KCNT1: variants seen among roughly 807,000 people sequenced by gnomAD.
KCNT1 encodes the protein potassium channel subfamily T member 1.
A neutral mutation model predicts 147.8 loss-of-function variants in KCNT1; 78 were observed. That is an observed-to-expected ratio of 0.53 (90% confidence interval 0.44 to 0.64). The LOEUF is 0.64. Among genes scored for constraint, KCNT1 ranks in the 30% least tolerant of loss-of-function variants. The pLI, the probability that KCNT1 is intolerant of heterozygous loss-of-function variation, is 0.00. For synonymous variants in KCNT1, 867 were observed against 748.8 expected (o/e 1.16, Z -2.58); for missense variants, 1,419 against 1,750.3 (o/e 0.81, Z 3.38).
chr9:135,713,107 G>A (rs1462846030), intron 1 of KCNT1, among the ~76,000 whole-genome samples: 1 of 152,230 alleles, frequency 6.6e-6, no homozygotes, highest in Admixed American at 6.5e-5. Flanking sequence ...GGGACGGGAG[G>A]AGGCAGCCAC....
chr9:135,795,270 T>C lies in KCNT1; in HGVS notation c.*3109T>C, dbSNP rs1834738019. On this transcript the variant is annotated 3_prime_UTR_variant, in exon 31 of 31. Coordinates refer to ENST00000371757, the MANE Select transcript of KCNT1 (RefSeq NM_020822.3). Reference sequence around the variant, plus strand: ...CGTGGGCAACATGATGAACCCTGACTGTATCAAAAAGTACAAAAAAAAAAA... The same window carrying C: ...CGTGGGCAACATGATGAACCCTGACCGTATCAAAAAGTACAAAAAAAAAAA... 1 of 144,474 alleles carries C rather than the reference T, an allele frequency of 6.9e-6. No homozygotes were observed. Among genetic ancestry groups the C allele is most frequent in the Non-Finnish European group, 1.5e-5 (1 of 66,952 alleles). 8.9% of individuals were successfully genotyped at this position (144,474 alleles called of 1,614,324 possible). A position where few individuals can be genotyped will look rare whatever the true frequency, so the allele number is the denominator to read the frequency against.
chr9:135,771,134 T>C, intron 18 of KCNT1, 39 bp downstream of exon 18: 1 of 1,559,798 alleles, frequency 6.4e-7, no homozygotes, highest in Non-Finnish European at 8.7e-7. Context: ...CTGGGCCTGC[T>C]CCTTTGGCGG....
At chr9:135,782,499 C>G (rs769267820) in intron 24 of KCNT1, among the ~76,000 whole-genome samples, 3 of 152,244 alleles carry the variant, frequency 2.0e-5, no homozygotes, top group Admixed American at 6.5e-5. Context: ...CTGTCCTGCT[C>G]CCTCTGACCG....
At chr9:135,773,523 C>T (rs1407306900) in intron 19 of KCNT1, among the ~76,000 whole-genome samples, 2 of 152,362 alleles carry the variant, frequency 1.3e-5, no homozygotes, top group Admixed American at 6.5e-5. Context: ...AACCACAGCC[C>T]GTCCTGAGTT....
chr9:135,781,248 C>T (rs1254707488), intron 24 of KCNT1, among the ~76,000 whole-genome samples: 2 of 152,234 alleles, frequency 1.3e-5, no homozygotes, highest in Admixed American at 1.3e-4. Flanking sequence ...CTGGAAGCAG[C>T]CGTGAGCTCC....
Position 135,770,866 on chromosome 9 carries a change from G to A in KCNT1, c.1779G>A (p.Val593=), listed in dbSNP as rs748744989. 8.9e-6 allele frequency: 14 copies of A among 1,571,308 alleles called. No homozygotes were observed. Among genetic ancestry groups the A allele is most frequent in the African/African-American group, 2.7e-5 (2 of 74,036 alleles). ...CGGTGCCTCTGCCCAGGTATGGCGT[G>A]TGCCTCATCGGGCTGAAGCGGGAGG... is the stretch of plus-strand genomic sequence containing the variant. ...AAFHAHKKYG[V]CLIGLKREDN... is the part of the protein sequence containing the mutation. Residue 593 remains valine (V), a synonymous_variant, in exon 18 of 31, where the codon GTG becomes GTA. Transcript: ENST00000371757.
intron 2 of KCNT1, among the ~76,000 whole-genome samples, chr9:135,747,305 C>A (rs1191494824): frequency 1.3e-5 from 2 of 148,824 alleles, no homozygotes; most frequent in Non-Finnish European, 3.0e-5. Flanking sequence ...AGACCCCCCG[C>A]GTTGAGGCTT....
chr9:135,729,606 G>A (rs1301025996), intron 2 of KCNT1, among the ~76,000 whole-genome samples: 3 of 152,188 alleles, frequency 2.0e-5, no homozygotes, highest in Admixed American at 6.5e-5. Context: ...GGTTCGTTAC[G>A]CAACAGAGGT....
At chr9:135,758,824 G>A (rs2131446160) in intron 10 of KCNT1, among the ~76,000 whole-genome samples, 1 of 152,368 alleles carries the variant, frequency 6.6e-6, no homozygotes, top group East Asian at 1.9e-4. Flanking sequence ...TCTCTTGGCT[G>A]AGGCCCAGCT....
At chr9:135,723,969 C>T (rs1040202818) in intron 2 of KCNT1, among the ~76,000 whole-genome samples, 1 of 152,204 alleles carries the variant, frequency 6.6e-6, no homozygotes, top group Non-Finnish European at 1.5e-5. Context: ...GCCCAGGTAT[C>T]CCTGCCACCT....
Position 135,778,605 on chromosome 9 carries a change from C to G in KCNT1, c.2595-83C>G, listed in dbSNP as rs112557482. The G allele has an allele frequency of 6.0e-3, 9,623 of 1,603,972 alleles. 521 individuals carry two copies. In the African/African-American group the frequency reaches 0.11, roughly 19 times the overall value. Reference sequence around the variant, plus strand: ...AGGTGGGGTGGGGGGCTGAGGTCCTCCTGCCTTCTGACCAAATCCCGGGGT... The same window carrying G: ...AGGTGGGGTGGGGGGCTGAGGTCCTGCTGCCTTCTGACCAAATCCCGGGGT... On this transcript the variant is annotated intron_variant, in intron 22 of 30. Coordinates refer to ENST00000371757, the MANE Select transcript of KCNT1 (RefSeq NM_020822.3).
chr9:135,703,321 A>G (rs1048685219), intron 1 of KCNT1, among the ~76,000 whole-genome samples: 4 of 152,024 alleles, frequency 2.6e-5, no homozygotes, highest in African/African-American at 9.7e-5. Flanking sequence ...CATACCTGAG[A>G]GCGGGAGGCC....
At chr9:135,768,372 C>A in intron 13 of KCNT1, 1 of 210,274 alleles carries the variant, frequency 4.8e-6, no homozygotes, top group Non-Finnish European at 8.2e-6. Flanking sequence ...TATGGGGATG[C>A]CCACTGAGGG....
At chr9:135,770,715 C>A in intron 17 of KCNT1, 142 bp from the exon 18 acceptor site, 1 of 898,358 alleles carries the variant, frequency 1.1e-6, no homozygotes, top group Non-Finnish European at 1.7e-6. Context: ...AGGGCTCAGC[C>A]AAGGTCCCTG....
In KCNT1 at chr9:135,786,341, A is replaced by G. The variant is rs1358295612; in HGVS notation, c.3322A>G (p.Lys1108Glu). ...CGCAGAGCACCCACTGCTACGGCGC[A>G]AGAGCCTGCAGTGGGCCCGGAGGCT... The part of the protein sequence containing the change: ...DPAEHPLLRR[K>E]SLQWARRLSR... Residue 1108 changes from lysine to glutamate, a missense_variant, in exon 29 of 31, where the codon AAG becomes GAG. Coordinates refer to ENST00000371757, the MANE Select transcript of KCNT1 (RefSeq NM_020822.3). 2.5e-6 allele frequency: 4 copies of G among 1,591,312 alleles called. No homozygotes were observed. The highest frequency in any genetic ancestry group is 3.4e-6 in the Non-Finnish European group (4 of 1,170,300).
chr9:135,776,027 T>C (rs1292414335), intron 20 of KCNT1, among the ~76,000 whole-genome samples: 1 of 152,108 alleles, frequency 6.6e-6, no homozygotes, highest in Non-Finnish European at 1.5e-5. Context: ...GGACTCTGCC[T>C]GCATGTGGGG....
rs114962501 is a variant in KCNT1 at position 135,752,432 on chromosome 9, G to A, written c.434+1391G>A. On this transcript the variant is annotated intron_variant, in intron 4 of 30. Transcript: ENST00000371757. This position sits in a 1 kb window ranked among gnomAD's most constrained non-coding sequence, Gnocchi z 5.1. Reference sequence around the variant, plus strand: ...AGTTTGAGAAGGAGAACTGGGCCCTGACTGACTCTCAAGCTACTTTCCTAG... The same window carrying A: ...AGTTTGAGAAGGAGAACTGGGCCCTAACTGACTCTCAAGCTACTTTCCTAG... The A allele has an allele frequency of 7.4e-4, 339 of 456,532 alleles. No homozygotes were observed. The highest frequency in any genetic ancestry group is 5.9e-3 in the African/African-American group (296 of 50,174). The allele number at this position is 456,532 out of a possible 1,614,324, so 28.3% of individuals were successfully genotyped here. A position where few individuals can be genotyped will look rare whatever the true frequency, so the allele number is the denominator to read the frequency against.
In KCNT1 at chr9:135,778,427, C is replaced by T. The variant is rs776258175; in HGVS notation, c.2526C>T (p.Pro842=). Residue 842 remains proline (P), a synonymous_variant, in exon 22 of 31, where the codon CCC becomes CCT. Coordinates refer to ENST00000371757, the MANE Select transcript of KCNT1 (RefSeq NM_020822.3). The part of the protein sequence containing the change: ...NPIVLLLDNK[P]DHHFLEAICC... ...TCCAGGACCGCTGTCCCCACAGGCC[C>T]GACCACCACTTCCTGGAAGCCATCT... The T allele has an allele frequency of 2.8e-5, 43 of 1,550,914 alleles. No individual in the cohort carries two copies. The highest frequency in any genetic ancestry group is 2.7e-5 in the African/African-American group (2 of 73,052).
chr9:135,787,511 T>A (rs1294324037), intron 29 of KCNT1, among the ~76,000 whole-genome samples: 13 of 152,206 alleles, frequency 8.5e-5, no homozygotes, highest in Admixed American at 8.5e-4. Flanking sequence ...CTCCCAACCC[T>A]GCTTCCTGCG....
Sources: allele counts gnomAD v4.1 joint callset (sites outside exome capture counted in the v4.1 genomes callset), GRCh38; gene constraint gnomAD v4.1.1; non-coding constraint Gnocchi (gnomAD v3.1); transcripts MANE v1.5; gene names NCBI Gene and HGNC (gene_info 2026-07-23, HGNC 2026-07-21).